RHOT1: variants seen among roughly 807,000 people sequenced by gnomAD.
RHOT1 encodes the protein mitochondrial Rho GTPase 1.
Under a neutral mutation model 95.3 loss-of-function variants are expected in RHOT1, and 27 were observed. That is an observed-to-expected ratio of 0.28 (90% CI 0.21 to 0.39). RHOT1 has a LOEUF of 0.39. Ranked by LOEUF, RHOT1 falls within the 10% of genes least tolerant of loss-of-function variation. The pLI, the probability that RHOT1 is intolerant of heterozygous loss-of-function variation, is 1.00. For synonymous variants in RHOT1, 227 were observed against 263.5 expected, an observed-to-expected ratio of 0.86 and a Z score of 1.34; for missense variants, 578 against 786.7, an observed-to-expected ratio of 0.73 and a Z score of 3.17.
At chr17:32,202,717 G>A in intron 14 of RHOT1, 53 bp from the exon 15 acceptor site, 1 of 1,364,856 alleles carries the variant, frequency 7.3e-7, no homozygotes, top group Non-Finnish European at 9.9e-7. Flanking sequence ...TGGAGGCTTA[G>A]TGAATCTAAG....
At chr17:32,224,582 T>C in intron 19 of RHOT1, 34 bp from the exon 20 acceptor site, 2 of 1,430,068 alleles carry the variant, frequency 1.4e-6, no homozygotes, top group Non-Finnish European at 1.9e-6. Flanking sequence ...ATACTAATCA[T>C]GTTTTAAATA....
intron 19 of RHOT1, 40 bp downstream of exon 19, chr17:32,211,278 A>G (rs1328620631): frequency 2.3e-5 from 36 of 1,533,042 alleles, no homozygotes; most frequent in Non-Finnish European, 3.2e-5. Flanking sequence ...CATTCTGTTA[A>G]AATACAAAAG....
chr17:32,221,384 A>AG (rs1454103976), intron 19 of RHOT1, among the ~76,000 whole-genome samples: 3 of 151,604 alleles, frequency 2.0e-5, no homozygotes, highest in Admixed American at 2.0e-4. Flanking sequence ...AAAAAAAAAA[A>AG]AAAGAAAGAA....
At chr17:32,184,072 A>G (rs753446538) in intron 8 of RHOT1, among the ~76,000 whole-genome samples, 6 of 152,168 alleles carry the variant, frequency 3.9e-5, no homozygotes, top group Non-Finnish European at 7.4e-5. Context: ...GAAAAACTAA[A>G]TTTTTTTGAG....
chr17:32,211,895 G>A (rs1219288848), intron 19 of RHOT1, among the ~76,000 whole-genome samples: 1 of 151,832 alleles, frequency 6.6e-6, no homozygotes, highest in Non-Finnish European at 1.5e-5. Context: ...AAAGTAACAC[G>A]CTTTTAAGAA....
intron 1 of RHOT1, among the ~76,000 whole-genome samples, chr17:32,160,759 G>A (rs1316376357): frequency 6.6e-6 from 1 of 152,226 alleles, no homozygotes; most frequent in Non-Finnish European, 1.5e-5. Flanking sequence ...GTGCCTGGCT[G>A]TGCACAGAGG....
chr17:32,221,643 A>G (rs1480948714), intron 19 of RHOT1, among the ~76,000 whole-genome samples: 1 of 152,216 alleles, frequency 6.6e-6, no homozygotes, highest in Non-Finnish European at 1.5e-5. Context: ...TTCCATGTCT[A>G]AAAGTGTCTT....
intron 1 of RHOT1, among the ~76,000 whole-genome samples, chr17:32,160,971 C>T (rs57183140): frequency 2.0e-5 from 3 of 152,148 alleles, no homozygotes; most frequent in Non-Finnish European, 2.9e-5. Context: ...GACTCCCCAA[C>T]GATCCCGTAA....
At chr17:32,151,817 G>A (rs919188337) in intron 1 of RHOT1, among the ~76,000 whole-genome samples, 12 of 150,668 alleles carry the variant, frequency 8.0e-5, no homozygotes, top group African/African-American at 2.7e-4. Flanking sequence ...GGGAGGCGGA[G>A]GTTGCAATGA....
At chr17:32,196,115 G>A (rs1386975128) in intron 11 of RHOT1, among the ~76,000 whole-genome samples, 1 of 151,338 alleles carries the variant, frequency 6.6e-6, no homozygotes, top group Non-Finnish European at 1.5e-5. Context: ...TAGAGTAGTG[G>A]ATAAATAAAT....
chr17:32,211,138 T>C lies in RHOT1; in HGVS notation c.1762T>C (p.Cys588Arg). The change falls in exon 19 of 20, where the codon TGC becomes CGC. Residue 588 changes from cysteine to arginine, a missense_variant. Around this residue, in one of 4 missense-constraint regions of RHOT1, gnomAD observed 296 missense variants for 338.5 expected, o/e 0.87. Coordinates refer to ENST00000545287, the MANE Select transcript of RHOT1 (RefSeq NM_001033566.3). The part of the protein sequence containing the change: ...MYPHARLRCM[C>R]TCNRCTFCIC... ...CAGCCATGCCCGGTTACGCTGTATG[T>C]GCACCTGCAACAGGTGTACATTTTG... The C allele has an allele frequency of 6.2e-7, 1 of 1,610,944 alleles. No homozygotes were observed. Among genetic ancestry groups the C allele is most frequent in the Non-Finnish European group, 8.5e-7 (1 of 1,177,680 alleles).
At chr17:32,206,738 C>T (rs1420303304) in intron 16 of RHOT1, among the ~76,000 whole-genome samples, 172 bp from the exon 17 acceptor site, 2 of 152,074 alleles carry the variant, frequency 1.3e-5, no homozygotes, top group African/African-American at 2.4e-5. Context: ...CAAGCGTGAG[C>T]CACCGCGCCC....
At chr17:32,216,246 T>C (rs1238658198) in intron 19 of RHOT1, among the ~76,000 whole-genome samples, 2 of 152,126 alleles carry the variant, frequency 1.3e-5, no homozygotes, top group African/African-American at 4.8e-5. Context: ...TTGTGTAACT[T>C]AGTCATTTTT....
rs1448193625 is a variant in RHOT1, at chr17:32,203,915, A to G, written c.1358A>G (p.His453Arg). ...AGGCAGAAGAAAATTCGTGAAGATC[A>G]TAAATCCTACTATGCGATTAACACT... ...LMRQKKIRED[H>R]KSYYAINTVY... is the part of the protein sequence containing the mutation. Residue 453 changes from histidine (H) to arginine (R), a missense_variant, in exon 16 of 20, where the codon CAT becomes CGT. Physicochemically the swap from His to Arg is conservative, Grantham distance 29. Around this residue, in one of 4 missense-constraint regions of RHOT1, gnomAD observed 296 missense variants for 338.5 expected, o/e 0.87. Coordinates refer to ENST00000545287, the MANE Select transcript of RHOT1 (RefSeq NM_001033566.3). 2.5e-6 allele frequency: 4 copies of G among 1,613,312 alleles called. No homozygotes were observed. The highest frequency in any genetic ancestry group is 2.5e-6 in the Non-Finnish European group (3 of 1,179,652).
chr17:32,161,093 ATAACT>A lies in RHOT1; in HGVS notation c.38-9946_38-9942del, dbSNP rs1450323547. Among the ~76,000 whole-genome samples the A allele has an allele frequency of 9.8e-5, 15 of 152,362 alleles. No individual in the cohort carries two copies. In the East Asian group the frequency reaches 1.3e-3, roughly 14 times the overall value. The stretch of plus-strand genomic sequence containing the variant: ...GAGACCACAGTATTGTAGTAAAGAA[ATAACT>A]TAATTAACACAAGGCTGGCCATGCA... On this transcript the variant is annotated intron_variant, in intron 1 of 19. Transcript: ENST00000545287.
chr17:32,166,741 T>C (rs1598331131), intron 1 of RHOT1, among the ~76,000 whole-genome samples: 1 of 152,342 alleles, frequency 6.6e-6, no homozygotes, highest in Non-Finnish European at 1.5e-5. Context: ...TTGCAGCAAT[T>C]TAGTCACATT....
chr17:32,203,844 G>A (rs879034735), intron 15 of RHOT1, 46 bp from the exon 16 acceptor site: 4 of 1,384,534 alleles, frequency 2.9e-6, no homozygotes, highest in Admixed American at 1.7e-5. Context: ...GTATATTGTT[G>A]AAAACTAGTT....
chr17:32,185,653 C>T (rs1183648223), intron 8 of RHOT1, among the ~76,000 whole-genome samples: 1 of 152,002 alleles, frequency 6.6e-6, no homozygotes, highest in Non-Finnish European at 1.5e-5. Flanking sequence ...AGCAATGCAC[C>T]CGCCTTGGCC....
At chr17:32,173,799 T>G in intron 2 of RHOT1, 32 bp from the exon 3 acceptor site, 1 of 1,441,344 alleles carries the variant, frequency 6.9e-7, no homozygotes, top group East Asian at 2.3e-5. Context: ...TCAAAGGTGT[T>G]TTTTTTTTTC....
Sources: gnomAD v4.1 joint callset for allele counts (sites outside exome capture counted in the v4.1 genomes callset) on GRCh38, gnomAD v4.1.1 for gene constraint, gnomAD v4.1.1 regional missense constraint, MANE v1.5 for transcripts, NCBI Gene and HGNC (gene_info 2026-07-23, HGNC 2026-07-21) for gene names.